The following MAGEA4 variants were observed in gnomAD, a reference collection of about 807,000 sequenced individuals.
MAGEA4 encodes MAGE family member A4.
MAGEA4 carries 1 observed loss-of-function variant against 13.7 expected under a neutral mutation model. The ratio of observed to expected loss-of-function variants is 0.07; its 90% confidence interval spans 0.03 to 0.35. MAGEA4 has a LOEUF of 0.35. Ranked by LOEUF, MAGEA4 falls within the 10% of genes least tolerant of loss-of-function variation. The pLI is 0.99. For synonymous variants in MAGEA4, 132 were observed against 101.1 expected (o/e 1.31, Z -1.83); for missense variants, 312 against 245.1 (o/e 1.27, Z -1.82).
At chrX:151,913,514 G>C in intron 1 of MAGEA4, 1 of 745,118 alleles carries the variant, frequency 1.3e-6, no homozygotes. Flanking sequence ...GGGTTAGAGA[G>C]AAGCGAGCTG....
rs748897879 is a variant in MAGEA4, at chrX:151,924,613, G to T, written c.949G>T (p.Val317Phe). Residue 317 changes from valine to phenylalanine, a missense_variant, in exon 3 of 3, where the codon GTC becomes TTC. By Grantham distance (50) the Val-to-Phe change is conservative (BLOSUM62 -1). Transcript: ENST00000276344. ...AGCTTTGTTAGAGGAGGAAGAGGGAGTCTGAGCATGAGTTGCAGCCAGGGC... is the reference window on the plus strand; with the variant it reads ...AGCTTTGTTAGAGGAGGAAGAGGGATTCTGAGCATGAGTTGCAGCCAGGGC... ...EAALLEEEEG[V>F] is the part of the protein sequence containing the mutation. 1.7e-6 allele frequency: 2 copies of T among 1,183,616 alleles called. No individual in the cohort carries two copies. Among genetic ancestry groups the T allele is most frequent in the Admixed American group, 4.5e-5 (2 of 44,226 alleles).
chrX:151,922,140 C>T (rs1003499860), intron 1 of MAGEA4, among the ~76,000 whole-genome samples: 2 of 110,912 alleles, frequency 1.8e-5, no homozygotes, highest in African/African-American at 6.6e-5. Flanking sequence ...AGGGAGGAGT[C>T]CCAGGATCTA....
chrX:151,923,400 C>A, intron 1 of MAGEA4, 53 bp from the exon 2 acceptor site: 2 of 1,021,792 alleles, frequency 2.0e-6, no homozygotes, highest in South Asian at 3.8e-5. Context: ...CCTGCAGAAT[C>A]GACCTCTGCT....
intron 1 of MAGEA4, among the ~76,000 whole-genome samples, chrX:151,921,707 C>G (rs973843728): frequency 8.9e-6 from 1 of 112,177 alleles, no homozygotes; most frequent in Non-Finnish European, 1.9e-5. Context: ...GTCAGGCACT[C>G]GGATCTTGAC....
rs201648066 is a variant in MAGEA4 at position 151,923,662 on chromosome X, A to G, written c.-3A>G. 3.7e-5 allele frequency: 45 copies of G among 1,209,427 alleles called. No individual in the cohort carries two copies. Among genetic ancestry groups the G allele is most frequent in the South Asian group, 7.0e-5 (4 of 56,768 alleles). ...CTTGCCTGCTGCCCTGACCAGAGTC[A>G]TCATGTCTTCTGAGCAGAAGAGTCA... On this transcript the variant is annotated 5_prime_UTR_variant, in exon 3 of 3. Transcript: ENST00000276344.
intron 1 of MAGEA4, chrX:151,917,742 C>T (rs1269640827): frequency 1.2e-5 from 4 of 339,187 alleles, no homozygotes; most frequent in African/African-American, 3.0e-5. Context: ...CAAATAATCC[C>T]GCACCACTCC....
At chrX:151,921,802 T>C (rs111253477) in intron 1 of MAGEA4, among the ~76,000 whole-genome samples, 1 of 107,414 alleles carries the variant, frequency 9.3e-6, no homozygotes, top group Non-Finnish European at 1.9e-5. Flanking sequence ...CTGGCCCTCC[T>C]GGGAGATGAG....
intron 1 of MAGEA4, chrX:151,913,954 T>C: frequency 2.3e-5 from 1 of 44,253 alleles, no homozygotes; most frequent in African/African-American, 9.0e-5. Context: ...CCCCCACCTC[T>C]CTCATACCGC....
At chrX:151,912,481 G>C (rs1346137493), upstream of MAGEA4, 1 of 359,763 alleles carries the variant, frequency 2.8e-6, no homozygotes, top group Admixed American at 2.6e-5. Flanking sequence ...CTTGCGCATT[G>C]GTCTGACCAG....
chrX:151,919,648 A>G (rs1030184981), intron 1 of MAGEA4: 9 of 749,883 alleles, frequency 1.2e-5, no homozygotes, highest in East Asian at 1.6e-4. Flanking sequence ...GGGTTAGAGA[A>G]AAGCGAGCTG....
chrX:151,919,958 G>A (rs1933337236), intron 1 of MAGEA4, among the ~76,000 whole-genome samples: 1 of 106,447 alleles, frequency 9.4e-6, no homozygotes, highest in Non-Finnish European at 1.9e-5. Flanking sequence ...GACTGTAAGA[G>A]AGGGCCGAGG....
rs774040894 is a variant in MAGEA4, at chrX:151,924,626, T to C, written c.*8T>C. 8.5e-7 allele frequency: 1 copy of C among 1,177,900 alleles called. No homozygotes were observed. Among genetic ancestry groups the C allele is most frequent in the South Asian group, 2.0e-5 (1 of 50,868 alleles). On this transcript the variant is annotated 3_prime_UTR_variant, in exon 3 of 3. Coordinates refer to ENST00000276344, the MANE Select transcript of MAGEA4 (RefSeq NM_001011548.1). Reference sequence around the variant, plus strand: ...GAGGAAGAGGGAGTCTGAGCATGAGTTGCAGCCAGGGCTGTGGGGAAGGGG... The same window carrying C: ...GAGGAAGAGGGAGTCTGAGCATGAGCTGCAGCCAGGGCTGTGGGGAAGGGG...
intron 1 of MAGEA4, among the ~76,000 whole-genome samples, chrX:151,922,542 G>A (rs779299401): frequency 9.0e-6 from 1 of 111,435 alleles, no homozygotes; most frequent in South Asian, 3.8e-4. Flanking sequence ...GTGAGGTGAG[G>A]ACCTTGTTCT....
intron 1 of MAGEA4, among the ~76,000 whole-genome samples, chrX:151,913,185 G>A: frequency 9.1e-6 from 1 of 110,054 alleles, no homozygotes; most frequent in Admixed American, 9.6e-5. Flanking sequence ...GGCTCTGCCA[G>A]GCATCAACCT....
At chrX:151,920,587 C>T (rs760809718) in intron 1 of MAGEA4, among the ~76,000 whole-genome samples, 2 of 93,709 alleles carry the variant, frequency 2.1e-5, no homozygotes, top group East Asian at 7.2e-4. Flanking sequence ...GCACTCCCTA[C>T]CCCATCTGTA....
In MAGEA4 at chrX:151,924,017, C is replaced by T. The variant is rs1309791405; in HGVS notation, c.353C>T (p.Ala118Val). Reference sequence around the variant, plus strand: ...CTCAGTAACAAGGTGGATGAGTTGGCTCATTTTCTGCTCCGCAAGTATCGA... The same window carrying T: ...CTCAGTAACAAGGTGGATGAGTTGGTTCATTTTCTGCTCCGCAAGTATCGA... The part of the protein sequence containing the change: ...EALSNKVDEL[A>V]HFLLRKYRAK... The change falls in exon 3 of 3, where the codon GCT becomes GTT. Residue 118 changes from alanine (A) to valine (V), a missense_variant. Physicochemically the swap from Ala to Val is moderately conservative, Grantham distance 64 (BLOSUM62 0). Transcript: ENST00000276344. The T allele has an allele frequency of 8.2e-7, 1 of 1,212,200 alleles. No individual in the cohort carries two copies. Among genetic ancestry groups the T allele is most frequent in the South Asian group, 1.8e-5 (1 of 56,984 alleles).
At chrX:151,923,238 C>T (rs184974350) in intron 1 of MAGEA4, among the ~76,000 whole-genome samples, 92 of 112,427 alleles carry the variant, frequency 8.2e-4, no homozygotes, top group African/African-American at 2.9e-3. Flanking sequence ...GCAGTGAGGC[C>T]TTGGTCTGAG....
In MAGEA4 at chrX:151,923,470, C is replaced by CA. The variant is rs1933540723; in HGVS notation, c.-118dup. 2 of 1,193,067 alleles carry CA rather than the reference C, an allele frequency of 1.7e-6. No homozygotes were observed. Among genetic ancestry groups the CA allele is most frequent in the Non-Finnish European group, 2.3e-6 (2 of 887,683 alleles). Reference sequence around the variant, plus strand: ...TCCTTCAGGTTCTGAGCAGACAGGCCAACCGGAGGACAGGATTCCCTGGAG... The same window carrying CA: ...TCCTTCAGGTTCTGAGCAGACAGGCCAAACCGGAGGACAGGATTCCCTGGAG... On this transcript the variant is annotated 5_prime_UTR_variant, in exon 2 of 3. Coordinates refer to ENST00000276344, the MANE Select transcript of MAGEA4 (RefSeq NM_001011548.1).
intron 1 of MAGEA4, chrX:151,913,749 A>C (rs1245486725): frequency 3.0e-6 from 1 of 332,727 alleles, no homozygotes; most frequent in African/African-American, 2.9e-5. Context: ...GGGACTCTGG[A>C]GTCAGAGCTT....
Sources: gnomAD v4.1 joint callset for allele counts (sites outside exome capture counted in the v4.1 genomes callset) on GRCh38, gnomAD v4.1.1 for gene constraint, MANE v1.5 for transcripts, NCBI Gene and HGNC (gene_info 2026-07-23, HGNC 2026-07-21) for gene names.